RNFT2: variants seen among roughly 807,000 people sequenced by gnomAD.
The protein encoded by RNFT2 is ring finger protein, transmembrane 2, also known as E3 ubiquitin-protein ligase RNFT2.
A neutral mutation model predicts 53.0 loss-of-function variants in RNFT2; 36 were observed. That is an observed-to-expected ratio of 0.68 (90% CI 0.52 to 0.90). RNFT2 has a LOEUF of 0.90. RNFT2 is among the 40% of genes least tolerant of loss of function. The pLI, the probability that RNFT2 is intolerant of heterozygous loss-of-function variation, is 0.00. For synonymous variants in RNFT2, 260 were observed against 253.2 expected (o/e 1.03, Z -0.26); for missense variants, 514 against 585.6 (o/e 0.88, Z 1.26).
chr12:116,834,174 G>A (rs1876839217), intron 8 of RNFT2, among the ~76,000 whole-genome samples: 2 of 151,658 alleles, frequency 1.3e-5, no homozygotes, highest in East Asian at 1.9e-4. Flanking sequence ...GCTGGAGTTC[G>A]GTAGCGCAGT....
At chr12:116,767,408 G>A (rs1872966979) in intron 6 of RNFT2, among the ~76,000 whole-genome samples, 1 of 151,900 alleles carries the variant, frequency 6.6e-6, no homozygotes. Flanking sequence ...TTGTAGAGAT[G>A]GGGTTTCCCT....
At chr12:116,811,882 T>A (rs1358079348) in intron 7 of RNFT2, among the ~76,000 whole-genome samples, 1 of 152,152 alleles carries the variant, frequency 6.6e-6, no homozygotes, top group East Asian at 1.9e-4. Context: ...ATATTATCCT[T>A]ACTAGTTACC....
intron 10 of RNFT2, among the ~76,000 whole-genome samples, chr12:116,847,685 G>A (rs1045801990): frequency 5.3e-5 from 8 of 151,974 alleles, no homozygotes; most frequent in African/African-American, 7.3e-5. Flanking sequence ...GTACCACCAC[G>A]CCTGGCTAAT....
At chr12:116,830,522 A>G (rs1434917260) in intron 7 of RNFT2, among the ~76,000 whole-genome samples, 1 of 152,096 alleles carries the variant, frequency 6.6e-6, no homozygotes, top group Non-Finnish European at 1.5e-5. Flanking sequence ...TCCTGGGCTC[A>G]AGGGATCCTC....
intron 5 of RNFT2, among the ~76,000 whole-genome samples, chr12:116,762,285 CAGG>C (rs1872720584): frequency 6.6e-6 from 1 of 151,636 alleles, no homozygotes; most frequent in South Asian, 2.1e-4. Flanking sequence ...GAGGCTGAGG[CAGG>C]AGAATTGCTT....
At chr12:116,782,252 C>T (rs76411133) in intron 7 of RNFT2, 2,612 of 151,558 alleles carry the variant, frequency 0.017, 98 homozygotes, top group East Asian at 0.15. Context: ...GGCTCAATGG[C>T]TCAAACCTGT....
intron 7 of RNFT2, among the ~76,000 whole-genome samples, chr12:116,795,652 G>C (rs1027647458): frequency 9.9e-5 from 15 of 152,150 alleles, no homozygotes; most frequent in East Asian, 1.9e-4. Flanking sequence ...AGAAAACGCT[G>C]TTCTAGAATG....
chr12:116,809,955 G>A (rs1310254941), intron 7 of RNFT2, among the ~76,000 whole-genome samples: 1 of 152,168 alleles, frequency 6.6e-6, no homozygotes, highest in Non-Finnish European at 1.5e-5. Flanking sequence ...GCTTGCAGAC[G>A]TGAGCCACCG....
chr12:116,752,360 C>T (rs559730639), intron 4 of RNFT2, among the ~76,000 whole-genome samples: 58 of 152,298 alleles, frequency 3.8e-4, no homozygotes, highest in African/African-American at 1.3e-3. Context: ...CTGGCATCTT[C>T]CCCACTACCC....
chr12:116,800,727 T>C (rs1874730847), intron 7 of RNFT2, among the ~76,000 whole-genome samples: 1 of 151,690 alleles, frequency 6.6e-6, no homozygotes, highest in Non-Finnish European at 1.5e-5. Flanking sequence ...GGCAAGAGAA[T>C]TGCTTGAGCC....
At chr12:116,744,321 C>G (rs918237847) in intron 3 of RNFT2, among the ~76,000 whole-genome samples, 1 of 151,784 alleles carries the variant, frequency 6.6e-6, no homozygotes, top group African/African-American at 2.4e-5. Flanking sequence ...CCTGTTGGAA[C>G]CTTTTCCGCC....
At chr12:116,821,969 AG>A (rs1876063274) in intron 7 of RNFT2, among the ~76,000 whole-genome samples, 2 of 151,592 alleles carry the variant, frequency 1.3e-5, no homozygotes, top group South Asian at 4.2e-4. Flanking sequence ...AGAGTAGCTG[AG>A]ATTACAGGTG....
intron 8 of RNFT2, among the ~76,000 whole-genome samples, chr12:116,834,989 A>G (rs1213222770): frequency 1.3e-5 from 2 of 151,714 alleles, no homozygotes; most frequent in Admixed American, 1.3e-4. Flanking sequence ...AGCTGGGATT[A>G]CAGGCATTCA....
intron 1 of RNFT2, among the ~76,000 whole-genome samples, chr12:116,738,917 G>T (rs1425280024): frequency 6.6e-6 from 1 of 152,218 alleles, no homozygotes; most frequent in Non-Finnish European, 1.5e-5. Context: ...ATTAAGTTGA[G>T]ATTGCAAATT....
At chr12:116,798,225 C>CAA (rs201001033) in intron 7 of RNFT2, among the ~76,000 whole-genome samples, 6 of 139,194 alleles carry the variant, frequency 4.3e-5, no homozygotes, top group African/African-American at 7.7e-5. Flanking sequence ...GACTCTGTCT[C>CAA]AAAAAAAAAA....
At chr12:116,821,546 T>G (rs115900725) in intron 7 of RNFT2, among the ~76,000 whole-genome samples, 1 of 152,162 alleles carries the variant, frequency 6.6e-6, no homozygotes, top group Non-Finnish European at 1.5e-5. Flanking sequence ...GGCCGCCCAC[T>G]TGGGAGCAGG....
In RNFT2 at chr12:116,851,890, C is replaced by T. The variant is rs1877948256; in HGVS notation, c.*2442C>T. 2 of 1,536,282 alleles carry T rather than the reference C, an allele frequency of 1.3e-6. No homozygotes were observed. The highest frequency in any genetic ancestry group is 1.4e-5 in the African/African-American group (1 of 73,034). ...TCTTCCTATTCTGTCATCTCCCTCA[C>T]TTAAGTCTCAGGCCTGTCAGCAGCT... On this transcript the variant is annotated 3_prime_UTR_variant, in exon 11 of 11. Coordinates refer to ENST00000257575, the MANE Select transcript of RNFT2 (RefSeq NM_001382266.1).
intron 5 of RNFT2, chr12:116,755,259 T>C: frequency 1.6e-6 from 1 of 610,554 alleles, no homozygotes. Context: ...TTCCCCACTT[T>C]ATGTTTTTGT....
chr12:116,766,906 G>T lies in RNFT2; in HGVS notation c.720G>T (p.Leu240=). The T allele has an allele frequency of 6.3e-7, 1 of 1,580,600 alleles. No homozygotes were observed. The highest frequency in any genetic ancestry group is 2.3e-5 in the East Asian group (1 of 43,422). ...YVLYTFSSQQ[L]YNSLIFLKPN... Reference sequence around the variant, plus strand: ...TTTATACATTCAGCTCCCAGCAGCTGTACAACAGGTGAGCATGGGAATCCA... The same window carrying T: ...TTTATACATTCAGCTCCCAGCAGCTTTACAACAGGTGAGCATGGGAATCCA... Residue 240 remains leucine, a synonymous_variant, in exon 6 of 11, where the codon CTG becomes CTT. Coordinates refer to ENST00000257575, the MANE Select transcript of RNFT2 (RefSeq NM_001382266.1).
Sources: allele counts gnomAD v4.1 joint callset (sites outside exome capture counted in the v4.1 genomes callset), GRCh38; gene constraint gnomAD v4.1.1; transcripts MANE v1.5; gene names NCBI Gene and HGNC (gene_info 2026-07-23, HGNC 2026-07-21).